The following CCDC83 variants were observed in gnomAD, a reference collection of about 807,000 sequenced individuals.
CCDC83 encodes the protein coiled-coil domain-containing protein 83.
CCDC83 carries 54 observed loss-of-function variants against 50.1 expected under a neutral mutation model. That is an observed-to-expected ratio of 1.08 (90% confidence interval 0.87 to 1.35). The LOEUF is 1.35. Among genes scored for constraint, CCDC83 ranks in the 40% most tolerant of loss-of-function variants. The pLI is 0.00. For synonymous variants in CCDC83, 161 were observed against 153.3 expected (o/e 1.05, Z -0.37); for missense variants, 518 against 473.9 (o/e 1.09, Z -0.86).
intron 4 of CCDC83, among the ~76,000 whole-genome samples, chr11:85,883,332 T>C (rs1472973570): frequency 6.6e-6 from 1 of 152,000 alleles, no homozygotes; most frequent in African/African-American, 2.4e-5. Flanking sequence ...GGTGGTTTCA[T>C]TGACTTCAGC....
intron 1 of CCDC83, among the ~76,000 whole-genome samples, chr11:85,858,580 C>T (rs894393378): frequency 4.6e-5 from 7 of 152,186 alleles, no homozygotes; most frequent in Non-Finnish European, 1.5e-5. Context: ...AGAGGCCCCT[C>T]CTCAAGCCTT....
intron 4 of CCDC83, among the ~76,000 whole-genome samples, chr11:85,883,774 T>C (rs954882710): frequency 5.3e-5 from 8 of 152,210 alleles, no homozygotes; most frequent in Non-Finnish European, 8.8e-5. Context: ...AGTGCCTACT[T>C]AGCTGAGCAC....
In CCDC83 at chr11:85,883,234, A is replaced by G. The variant is rs147596061; in HGVS notation, c.343+559A>G. On this transcript the variant is annotated intron_variant, in intron 4 of 10. Transcript: ENST00000342404. ...TGCCCAGCCTCATCTGACTCTTACA[A>G]CAGGACAGTATCTTGTTAAACACCA... 1.9e-4 allele frequency among the ~76,000 whole-genome samples: 29 copies of G among 152,040 alleles called. No individual in the cohort carries two copies. The East Asian group carries it at 4.5e-3, about 23-fold the overall frequency.
At chr11:85,882,278 A>C (rs1454954713) in intron 3 of CCDC83, among the ~76,000 whole-genome samples, 1 of 152,088 alleles carries the variant, frequency 6.6e-6, no homozygotes, top group Middle Eastern at 3.2e-3. Flanking sequence ...TTTTTTAATA[A>C]TGTCATAAGA....
intron 1 of CCDC83, among the ~76,000 whole-genome samples, chr11:85,860,573 T>C (rs182805674): frequency 9.8e-5 from 15 of 152,312 alleles, no homozygotes; most frequent in Non-Finnish European, 2.9e-5. Context: ...TGGAAAGCAG[T>C]GTGAAGATTT....
At chr11:85,872,999 T>TA (rs2093247985) in intron 2 of CCDC83, among the ~76,000 whole-genome samples, 1 of 151,234 alleles carries the variant, frequency 6.6e-6, no homozygotes. Flanking sequence ...GATTTTTTTT[T>TA]CAAAAAAAAA....
chr11:85,908,426 G>A (rs921309159), intron 7 of CCDC83, among the ~76,000 whole-genome samples: 7 of 152,066 alleles, frequency 4.6e-5, no homozygotes, highest in Non-Finnish European at 8.8e-5. Flanking sequence ...GGTGGCGGGC[G>A]CCCGTGGAAG....
upstream of CCDC83, chr11:85,855,272 A>G (rs937007673): frequency 1.3e-5 from 2 of 152,580 alleles, no homozygotes; most frequent in African/African-American, 4.8e-5. Flanking sequence ...CCAGTCTGAC[A>G]CTGAAGACTT....
intron 7 of CCDC83, among the ~76,000 whole-genome samples, chr11:85,903,155 C>A (rs1334610886): frequency 6.6e-6 from 1 of 151,946 alleles, no homozygotes; most frequent in Non-Finnish European, 1.5e-5. Flanking sequence ...ATCGCTTGAA[C>A]CCAGGAGGCA....
chr11:85,879,322 G>A (rs2084080), intron 3 of CCDC83, among the ~76,000 whole-genome samples: 18,831 of 152,024 alleles, frequency 0.12, 1,452 homozygotes, highest in Middle Eastern at 0.18. Flanking sequence ...GTGAGGCTTA[G>A]ATCAAGATTC....
rs754301765 is a variant in CCDC83 at position 85,915,452 on chromosome 11, A to T, written c.828A>T (p.Glu276Asp). 6.2e-7 allele frequency: 1 copy of T among 1,613,546 alleles called. No homozygotes were observed. The highest frequency in any genetic ancestry group is 2.2e-5 in the East Asian group (1 of 44,864). ...RLYLTQAAGL[E>D]VPPEEMSLEL... ...ATCTTACCCAAGCTGCTGGACTAGAAGTGCCACCTGAAGAAATGTCTTTGG... is the reference window on the plus strand; with the variant it reads ...ATCTTACCCAAGCTGCTGGACTAGATGTGCCACCTGAAGAAATGTCTTTGG... The change falls in exon 9 of 11, where the codon GAA becomes GAT. Residue 276 changes from glutamate to aspartate, a missense_variant. Physicochemically the swap from Glu to Asp is conservative, Grantham distance 45. Transcript: ENST00000342404.
chr11:85,899,943 G>A lies in CCDC83; in HGVS notation c.672+928G>A, dbSNP rs184149964. ...TATAAAAATTATAAAAATACAAAAA[G>A]AACTCATCCACAAAGAGAACAAGAG... On this transcript the variant is annotated intron_variant, in intron 7 of 10. Transcript: ENST00000342404. Among the ~76,000 whole-genome samples, 282 of 152,216 alleles carry A rather than the reference G, an allele frequency of 1.9e-3. 1 individual carries two copies. The highest frequency in any genetic ancestry group is 1.4e-3 in the Non-Finnish European group (98 of 67,990).
chr11:85,872,967 A>T (rs868849351), intron 2 of CCDC83, among the ~76,000 whole-genome samples: 17 of 151,876 alleles, frequency 1.1e-4, no homozygotes, highest in African/African-American at 3.9e-4. Context: ...GTATAAAATT[A>T]TGACTATAAA....
intron 8 of CCDC83, 95 bp from the exon 9 acceptor site, chr11:85,915,324 T>C: frequency 5.9e-6 from 5 of 840,720 alleles, no homozygotes; most frequent in Non-Finnish European, 5.8e-6. Flanking sequence ...TTTTCATCTA[T>C]GCATTTCTAG....
intron 8 of CCDC83, among the ~76,000 whole-genome samples, chr11:85,912,306 C>T (rs2093458240): frequency 6.6e-6 from 1 of 152,132 alleles, no homozygotes; most frequent in Non-Finnish European, 1.5e-5. Context: ...TATGTATAAA[C>T]TTTCTATTGT....
intron 5 of CCDC83, among the ~76,000 whole-genome samples, chr11:85,891,372 C>G (rs1044876156): frequency 1.3e-5 from 2 of 152,166 alleles, no homozygotes; most frequent in Non-Finnish European, 2.9e-5. Flanking sequence ...AGCTGCTTCC[C>G]TGAACTTTAG....
intron 1 of CCDC83, among the ~76,000 whole-genome samples, chr11:85,857,006 C>T (rs1273814396): frequency 6.6e-6 from 1 of 152,202 alleles, no homozygotes; most frequent in Non-Finnish European, 1.5e-5. Flanking sequence ...GAACCCCCTG[C>T]CCAGTGCCAT....
At chr11:85,870,583 C>T (rs954504044) in intron 2 of CCDC83, among the ~76,000 whole-genome samples, 3 of 152,074 alleles carry the variant, frequency 2.0e-5, no homozygotes, top group Non-Finnish European at 4.4e-5. Context: ...TCGTGGTGCA[C>T]ATCTGTAACC....
At chr11:85,904,057 TG>T (rs1421483717) in intron 7 of CCDC83, among the ~76,000 whole-genome samples, 1 of 152,010 alleles carries the variant, frequency 6.6e-6, no homozygotes, top group African/African-American at 2.4e-5. Flanking sequence ...AACATAAACC[TG>T]GTCTTGTCAA....
Sources: allele counts gnomAD v4.1 joint callset (sites outside exome capture counted in the v4.1 genomes callset), GRCh38; gene constraint gnomAD v4.1.1; transcripts MANE v1.5; gene names NCBI Gene and HGNC (gene_info 2026-07-23, HGNC 2026-07-21).